PTGER3: variants seen among roughly 807,000 people sequenced by gnomAD.
PTGER3 encodes prostaglandin E receptor 3.
A neutral mutation model predicts 34.7 loss-of-function variants in PTGER3; 22 were observed. The ratio of observed to expected loss-of-function variants is 0.63; its 90% CI spans 0.45 to 0.91. The LOEUF is 0.91. Among genes scored for constraint, PTGER3 ranks in the 40% least tolerant of loss-of-function variants. The pLI is 0.00. For missense variants in PTGER3, 468 were observed against 519.4 expected (o/e 0.90, Z 0.96); for synonymous variants, 241 against 230.1 (o/e 1.05, Z -0.43).
intron 4 of PTGER3, among the ~76,000 whole-genome samples, chr1:70,900,742 G>A (rs973476093): frequency 2.6e-5 from 4 of 152,118 alleles, no homozygotes; most frequent in African/African-American, 9.7e-5. Context: ...GCCTTCTGTA[G>A]AGCACCCCCA....
intron 1 of PTGER3, among the ~76,000 whole-genome samples, chr1:71,038,387 T>C (rs1660011588): frequency 6.6e-6 from 1 of 152,226 alleles, no homozygotes; most frequent in Non-Finnish European, 1.5e-5. Context: ...CCAAGAGTTT[T>C]TAAACAGTAA....
intron 2 of PTGER3, chr1:71,005,883 A>G (rs1422510689): frequency 1.1e-6 from 1 of 913,994 alleles, no homozygotes; most frequent in Non-Finnish European, 1.3e-6. Context: ...TTATTTATGT[A>G]TTTATTTTAA....
Position 71,039,597 on chromosome 1 carries a change from C to T in PTGER3, c.897+7084G>A, listed in dbSNP as rs188800546. ...CCCGGGAGGCAGAGCTTGCAGTGAG[C>T]GGAGATTGCGCCACTGCACTCCAGC... On this transcript the variant is annotated intron_variant, in intron 1 of 3. Transcript: ENST00000306666. Among the ~76,000 whole-genome samples, 364 of 131,850 alleles carry T rather than the reference C, an allele frequency of 2.8e-3. 3 individuals are homozygous for T. The highest frequency in any genetic ancestry group is 8.8e-3 in the African/African-American group (296 of 33,500). 86.5% of individuals were successfully genotyped at this position (131,850 alleles called of 152,430 possible).
chr1:70,939,842 T>A lies in PTGER3; in HGVS notation c.*23+13921A>T, dbSNP rs534842067. On this transcript the variant is annotated intron_variant, in intron 4 of 4. Coordinates refer to the PTGER3 transcript ENST00000370931. ...GGGCCTGTGATAGGAGGGGCTGCCA[T>A]GAAGATCTCTCACATAGCCTGGAGA... Among the ~76,000 whole-genome samples, 105 of 152,286 alleles carry A rather than the reference T, an allele frequency of 6.9e-4. 2 individuals carry two copies. Among genetic ancestry groups the A allele is most frequent in the African/African-American group, 2.5e-3 (105 of 41,570 alleles).
chr1:70,974,345 A>G lies in PTGER3; in HGVS notation c.1121T>C (p.Leu374Ser), dbSNP rs1463660106. The G allele has an allele frequency of 1.4e-6, 2 of 1,401,398 alleles. No homozygotes were observed. Among genetic ancestry groups the G allele is most frequent in the Admixed American group, 1.7e-5 (1 of 59,684 alleles). 86.8% of individuals were successfully genotyped at this position (1,401,398 alleles called of 1,614,324 possible). The change falls in exon 3 of 4, where the codon TTA becomes TCA. Residue 374 changes from leucine to serine, a missense_variant. By Grantham distance (145) the Leu-to-Ser change is moderately radical. Coordinates refer to ENST00000306666, the MANE Select transcript of PTGER3 (RefSeq NM_198719.2). Reference protein sequence around the residue: ...TNNYASSSTSLPCQCSSTLMW... With the variant: ...TNNYASSSTSSPCQCSSTLMW... ...CAAGGTTGAGGAACACTGGCAGGGT[A>G]AGGAGGTGGAGCTGGATGCATAGTT... is the stretch of plus-strand genomic sequence containing the variant.
At chr1:71,012,633 A>T in intron 1 of PTGER3, 149 bp from the exon 2 acceptor site, 2 of 677,348 alleles carry the variant, frequency 3.0e-6, no homozygotes, top group East Asian at 5.5e-5. Context: ...TGGATAACAC[A>T]GTCCTGAATT....
At chr1:70,912,196 G>A (rs1647075899) in intron 4 of PTGER3, among the ~76,000 whole-genome samples, 1 of 151,852 alleles carries the variant, frequency 6.6e-6, no homozygotes, top group Non-Finnish European at 1.5e-5. Context: ...TCTTCTCAAA[G>A]TCTACACAGC....
At chr1:71,010,775 C>A in intron 2 of PTGER3, 1 of 985,150 alleles carries the variant, frequency 1.0e-6, no homozygotes, top group Non-Finnish European at 1.2e-6. Context: ...GATTTTGTCT[C>A]CAAATTCAAT....
At chr1:70,894,701 G>A (rs544297610) in intron 4 of PTGER3, among the ~76,000 whole-genome samples, 1 of 152,136 alleles carries the variant, frequency 6.6e-6, no homozygotes, top group African/African-American at 2.4e-5. Context: ...TTTACTGTTT[G>A]CTTCTTGAAA....
intron 4 of PTGER3, among the ~76,000 whole-genome samples, chr1:70,938,420 A>G (rs1004001232): frequency 1.3e-5 from 2 of 152,182 alleles, no homozygotes; most frequent in African/African-American, 4.8e-5. Flanking sequence ...AATATTTTGG[A>G]AAATACTCAA....
In PTGER3 at chr1:71,047,053, G is replaced by T; in HGVS notation, c.525C>A (p.Arg175=). The change falls in exon 1 of 4, where the codon CGC becomes CGA. Residue 175 remains arginine (R), a synonymous_variant. Transcript: ENST00000306666. ...CCAGCCACACGCCGAGCAGCACAGC[G>T]CGGGTGGCACGCGTCTTCATGTGGC... ...YASHMKTRAT[R]AVLLGVWLAV... is the part of the protein sequence containing the mutation. The T allele has an allele frequency of 6.2e-7, 1 of 1,611,870 alleles. No individual in the cohort carries two copies. The highest frequency in any genetic ancestry group is 8.5e-7 in the Non-Finnish European group (1 of 1,179,418).
At chr1:70,911,206 C>G (rs1016189954) in intron 4 of PTGER3, among the ~76,000 whole-genome samples, 1 of 151,294 alleles carries the variant, frequency 6.6e-6, no homozygotes. Flanking sequence ...AAGTATCACA[C>G]TGGTAGACCC....
chr1:71,046,725 T>G lies in PTGER3; in HGVS notation c.853A>C (p.Met285Leu). Reference protein sequence around the residue: ...RITTETAIQLMGIMCVLSVCW... With the variant: ...RITTETAIQLLGIMCVLSVCW... ...ACCGACAGCACGCACATGATCCCCATAAGCTGAATGGCCGTCTCGGTCGTG... is the reference window on the plus strand; with the variant it reads ...ACCGACAGCACGCACATGATCCCCAGAAGCTGAATGGCCGTCTCGGTCGTG... The change falls in exon 1 of 4, where the codon ATG (methionine) becomes CTG (leucine). Residue 285 changes from methionine (M) to leucine (L), a missense_variant. By Grantham distance (15) the Met-to-Leu change is conservative. Around this residue, in one of 5 missense-constraint regions of PTGER3, gnomAD observed 204 missense variants for 230.8 expected, o/e 0.88. Transcript: ENST00000306666. The G allele has an allele frequency of 6.2e-7, 1 of 1,608,946 alleles. No individual in the cohort carries two copies. Among genetic ancestry groups the G allele is most frequent in the Non-Finnish European group, 8.5e-7 (1 of 1,177,552 alleles).
At chr1:70,924,116 C>T (rs571916361) in intron 4 of PTGER3, among the ~76,000 whole-genome samples, 12 of 152,094 alleles carry the variant, frequency 7.9e-5, no homozygotes, top group African/African-American at 2.9e-4. Context: ...GGAATTTACC[C>T]AACTTGTAGG....
chr1:70,982,499 A>G (rs188756946), intron 2 of PTGER3, among the ~76,000 whole-genome samples: 25 of 152,192 alleles, frequency 1.6e-4, no homozygotes, highest in Middle Eastern at 3.4e-3. Context: ...TTCTCCACAC[A>G]ATTGTTTCTA....
At chr1:70,977,088 G>A (rs865867103) in intron 2 of PTGER3, among the ~76,000 whole-genome samples, 1 of 152,104 alleles carries the variant, frequency 6.6e-6, no homozygotes, top group African/African-American at 2.4e-5. Context: ...CAGTTAAGGT[G>A]GTTCAGGCTA....
chr1:70,901,898 C>G (rs1278638236), intron 4 of PTGER3, among the ~76,000 whole-genome samples: 1 of 152,102 alleles, frequency 6.6e-6, no homozygotes, highest in Non-Finnish European at 1.5e-5. Context: ...GTTTATTAAA[C>G]TTCAAAAATA....
chr1:70,880,780 G>C (rs1220252422), intron 4 of PTGER3, among the ~76,000 whole-genome samples: 1 of 151,784 alleles, frequency 6.6e-6, no homozygotes, highest in Non-Finnish European at 1.5e-5. Flanking sequence ...TCCACTGTTA[G>C]CTTGATAGGG....
intron 4 of PTGER3, among the ~76,000 whole-genome samples, chr1:70,911,298 A>G (rs1409541242): frequency 6.6e-6 from 1 of 151,246 alleles, no homozygotes; most frequent in Non-Finnish European, 1.5e-5. Context: ...ACTCAGTCAT[A>G]CTAATGCATG....
Sources: gnomAD v4.1 joint callset for allele counts (sites outside exome capture counted in the v4.1 genomes callset) on GRCh38, gnomAD v4.1.1 for gene constraint, gnomAD v4.1.1 regional missense constraint, MANE v1.5 for transcripts, NCBI Gene and HGNC (gene_info 2026-07-23, HGNC 2026-07-21) for gene names.